The following COBLL1 variants were observed in gnomAD, a reference collection of about 807,000 sequenced individuals.
The protein encoded by COBLL1 is cordon-bleu WH2 repeat protein like 1.
COBLL1 carries 50 observed loss-of-function variants against 94.8 expected under a neutral mutation model. The ratio of observed to expected loss-of-function variants is 0.53; its 90% CI spans 0.42 to 0.67. The LOEUF (loss-of-function observed/expected upper bound fraction) is 0.67, where lower values mean the gene tolerates loss of function less well. Among genes scored for constraint, COBLL1 ranks in the 30% least tolerant of loss-of-function variants. The pLI is 0.00. For missense variants in COBLL1, 1,362 were observed against 1,348.7 expected (o/e 1.01, Z -0.15); for synonymous variants, 448 against 473.8 (o/e 0.95, Z 0.71).
intron 3 of COBLL1, among the ~76,000 whole-genome samples, chr2:164,735,240 G>C (rs1686235996): frequency 6.6e-6 from 1 of 152,188 alleles, no homozygotes; most frequent in Non-Finnish European, 1.5e-5. Flanking sequence ...CAAATGCATA[G>C]TAGACTAATA....
chr2:164,714,692 T>A (rs1481639213), intron 7 of COBLL1, among the ~76,000 whole-genome samples: 1 of 152,162 alleles, frequency 6.6e-6, no homozygotes, highest in African/African-American at 2.4e-5. Context: ...CCTGCTTCTA[T>A]CTGCCCTGGC....
intron 13 of COBLL1, 88 bp from the exon 14 acceptor site, chr2:164,686,120 C>T: frequency 1.0e-5 from 6 of 585,210 alleles, no homozygotes; most frequent in Non-Finnish European, 1.5e-5. Context: ...CACATTTTAA[C>T]TTCTGCTTAA....
intron 7 of COBLL1, chr2:164,721,791 G>T (rs1685456739): frequency 5.2e-6 from 1 of 192,956 alleles, no homozygotes; most frequent in South Asian, 1.7e-4. Context: ...AGTAAACCAA[G>T]ACTTTAGGTT....
intron 12 of COBLL1, 58 bp downstream of exon 12, chr2:164,694,211 C>G: frequency 6.8e-7 from 1 of 1,478,244 alleles, no homozygotes; most frequent in South Asian, 1.3e-5. Flanking sequence ...TGCTTGTTAA[C>G]CCCCATTAAA....
chr2:164,737,831 A>T (rs1384838708), intron 3 of COBLL1, among the ~76,000 whole-genome samples: 1 of 152,166 alleles, frequency 6.6e-6, no homozygotes, highest in Non-Finnish European at 1.5e-5. Context: ...CGAGTTCCTC[A>T]GCGGACCAAC....
chr2:164,818,788 A>ATATATATATATATATATATATATATAT (rs1321512077), intron 2 of COBLL1, among the ~76,000 whole-genome samples: 2 of 149,660 alleles, frequency 1.3e-5, no homozygotes, highest in Non-Finnish European at 3.0e-5. Context: ...ATATACATAT[A>ATATATATATATATATATATATATATAT]ATTTTTTTTC....
intron 13 of COBLL1, among the ~76,000 whole-genome samples, chr2:164,690,968 A>G (rs1032496125): frequency 1.3e-5 from 2 of 152,210 alleles, no homozygotes; most frequent in African/African-American, 4.8e-5. Flanking sequence ...CCGATGAAAA[A>G]CCAATTTCAA....
intron 2 of COBLL1, among the ~76,000 whole-genome samples, chr2:164,759,403 T>C (rs1209343062): frequency 6.6e-6 from 1 of 152,082 alleles, no homozygotes. Context: ...TATTCAAAAA[T>C]TACCTTAAAT....
chr2:164,829,907 C>A (rs113945186), intron 2 of COBLL1, among the ~76,000 whole-genome samples: 1 of 152,142 alleles, frequency 6.6e-6, no homozygotes, highest in Non-Finnish European at 1.5e-5. Context: ...ATGGTCTCCT[C>A]CTTTTCTTGC....
At chr2:164,775,611 T>A in intron 2 of COBLL1, among the ~76,000 whole-genome samples, 1 of 152,084 alleles carries the variant, frequency 6.6e-6, no homozygotes, top group Non-Finnish European at 1.5e-5. Context: ...TACAGGCGTG[T>A]GCCACCAGGC....
At chr2:164,672,320 A>G (rs1558904266) in intron 1 of COBLL1, among the ~76,000 whole-genome samples, 1 of 152,192 alleles carries the variant, frequency 6.6e-6, no homozygotes, top group Non-Finnish European at 1.5e-5. Context: ...ACCATAGCTC[A>G]TTGTATTTTT....
At chr2:164,822,725 GATTATATT>G (rs1256953390) in intron 2 of COBLL1, among the ~76,000 whole-genome samples, 5 of 139,480 alleles carry the variant, frequency 3.6e-5, no homozygotes, top group African/African-American at 1.3e-4. Flanking sequence ...TCTCTGAAAA[GATTATATT>G]ATATTATTAT....
rs558819606 is a variant in COBLL1, at chr2:164,658,671, A to G, written n.182-4757T>C. On this transcript the variant is annotated intron_variant and non_coding_transcript_variant, in intron 2 of 2. Transcript: ENST00000495084. ...TTTGGCCATCTGATGGGTGCTATCA[A>G]TGCCTAAGTGAAAGATTTGGTGAAG... is the stretch of plus-strand genomic sequence containing the variant. Among the ~76,000 whole-genome samples the G allele has an allele frequency of 4.5e-4, 69 of 152,296 alleles. 1 individual carries two copies. The highest frequency in any genetic ancestry group is 1.5e-3 in the African/African-American group (61 of 41,572).
chr2:164,835,492 A>G (rs1391086160), intron 2 of COBLL1, among the ~76,000 whole-genome samples: 1 of 152,214 alleles, frequency 6.6e-6, no homozygotes, highest in Non-Finnish European at 1.5e-5. Context: ...GGGCTGGAGA[A>G]AGTGGAATGG....
At chr2:164,790,175 T>C (rs982139802) in intron 2 of COBLL1, among the ~76,000 whole-genome samples, 5 of 152,204 alleles carry the variant, frequency 3.3e-5, no homozygotes, top group South Asian at 4.1e-4. Flanking sequence ...TTCTCCAGAA[T>C]GGCTGGCGCC....
chr2:164,703,231 A>ATCTTTGGAATCT (rs1248731721), intron 9 of COBLL1: 1 of 1,586,532 alleles, frequency 6.3e-7, no homozygotes, highest in African/African-American at 1.3e-5. Context: ...CTGCCAAAGA[A>ATCTTTGGAATCT]GTAGAATCTG....
intron 9 of COBLL1, among the ~76,000 whole-genome samples, chr2:164,702,209 T>C (rs1047559744): frequency 6.6e-6 from 1 of 152,092 alleles, no homozygotes; most frequent in African/African-American, 2.4e-5. Flanking sequence ...TGATGTGAAA[T>C]AGAAATAATG....
chr2:164,709,465 C>T (rs934912230), intron 7 of COBLL1, among the ~76,000 whole-genome samples: 2 of 152,318 alleles, frequency 1.3e-5, no homozygotes, highest in South Asian at 2.1e-4. Context: ...CGCCTGTAAT[C>T]CCAGCACTTT....
chr2:164,688,877 A>G (rs901211327), intron 13 of COBLL1, among the ~76,000 whole-genome samples: 6 of 152,138 alleles, frequency 3.9e-5, no homozygotes, highest in African/African-American at 1.2e-4. Context: ...ATCATTCACT[A>G]TTTTCAGACC....
Sources: allele counts gnomAD v4.1 joint callset (sites outside exome capture counted in the v4.1 genomes callset), GRCh38; gene constraint gnomAD v4.1.1; transcripts MANE v1.5; gene names NCBI Gene and HGNC (gene_info 2026-07-23, HGNC 2026-07-21).